LEKR1: variants seen among roughly 807,000 people sequenced by gnomAD.
LEKR1 encodes the protein protein LEKR1.
In LEKR1, 59 loss-of-function variants were observed where a neutral mutation model predicts 72.4. The ratio of observed to expected loss-of-function variants is 0.82; its 90% CI spans 0.66 to 1.01. The LOEUF (loss-of-function observed/expected upper bound fraction) is 1.01. Among genes scored for constraint, LEKR1 ranks in the 50% least tolerant of loss-of-function variants. The pLI is 0.00. For synonymous variants in LEKR1, 257 were observed against 263.2 expected (o/e 0.98, Z 0.23); for missense variants, 728 against 759.2 (o/e 0.96, Z 0.48).
At chr3:156,915,828 C>G (rs553418543) in intron 3 of LEKR1, among the ~76,000 whole-genome samples, 1 of 152,142 alleles carries the variant, frequency 6.6e-6, no homozygotes, top group Non-Finnish European at 1.5e-5. Flanking sequence ...GTCAAGAAAT[C>G]TTTACCTATT....
At chr3:156,957,508 T>G (rs1727754556) in intron 6 of LEKR1, among the ~76,000 whole-genome samples, 2 of 151,976 alleles carry the variant, frequency 1.3e-5, no homozygotes, top group African/African-American at 4.8e-5. Context: ...CTTTCAAGAT[T>G]TAGCTCACAT....
chr3:156,829,559 A>C (rs1576619814), intron 2 of LEKR1, among the ~76,000 whole-genome samples, 182 bp downstream of exon 2: 1 of 152,210 alleles, frequency 6.6e-6, no homozygotes, highest in East Asian at 1.9e-4. Flanking sequence ...AGTATGAAGA[A>C]TTTTGCTGCT....
intron 3 of LEKR1, among the ~76,000 whole-genome samples, chr3:156,877,892 C>T (rs1718800889): frequency 6.6e-6 from 1 of 152,144 alleles, no homozygotes; most frequent in African/African-American, 2.4e-5. Flanking sequence ...AAGTGATTCT[C>T]CTGCCTCAGC....
intron 3 of LEKR1, among the ~76,000 whole-genome samples, chr3:156,890,580 G>T (rs1483165769): frequency 1.3e-5 from 2 of 152,112 alleles, no homozygotes; most frequent in African/African-American, 4.8e-5. Context: ...TTGGTAAACA[G>T]AAATTATATT....
At chr3:156,861,425 A>G (rs991566358) in intron 3 of LEKR1, among the ~76,000 whole-genome samples, 1 of 152,122 alleles carries the variant, frequency 6.6e-6, no homozygotes, top group African/African-American at 2.4e-5. Flanking sequence ...CTGATGCAGA[A>G]CTGTAGTTCT....
chr3:156,894,215 G>C (rs562157185), intron 3 of LEKR1, among the ~76,000 whole-genome samples: 1 of 152,072 alleles, frequency 6.6e-6, no homozygotes, highest in South Asian at 2.1e-4. Flanking sequence ...TTTTAGATGG[G>C]GTACCTGTTA....
chr3:156,942,587 A>C lies in LEKR1; in HGVS notation c.618A>C (p.Glu206Asp). 1 of 1,268,596 alleles carries C rather than the reference A, an allele frequency of 7.9e-7. No individual in the cohort carries two copies. The allele number at this position is 1,268,596 out of a possible 1,614,324, so 78.6% of individuals were successfully genotyped here. Residue 206 changes from glutamate (E) to aspartate (D), a missense_variant, in exon 6 of 13, where the codon GAA becomes GAC. Physicochemically the swap from Glu to Asp is conservative, Grantham distance 45 (BLOSUM62 2). Transcript: ENST00000356539. The stretch of plus-strand genomic sequence containing the variant: ...CCCAGAGAAATAAAGTATGCCTTGA[A>C]AAGGAAATGAAAAATCTGAAATTGT... Reference protein sequence around the residue: ...TVSQRNKVCLEKEMKNLKLLS... With the variant: ...TVSQRNKVCLDKEMKNLKLLS...
intron 10 of LEKR1, among the ~76,000 whole-genome samples, chr3:157,020,823 T>C (rs1733776704): frequency 6.6e-6 from 1 of 152,074 alleles, no homozygotes; most frequent in Non-Finnish European, 1.5e-5. Context: ...CAAATGGTAT[T>C]TCTAGTTCTA....
At chr3:156,990,469 A>G (rs985060384) in intron 7 of LEKR1, among the ~76,000 whole-genome samples, 3 of 152,202 alleles carry the variant, frequency 2.0e-5, no homozygotes, top group African/African-American at 7.2e-5. Flanking sequence ...ATCCTTAGAT[A>G]TAGCATCCAT....
At chr3:156,964,275 C>T (rs1019153099) in intron 6 of LEKR1, among the ~76,000 whole-genome samples, 2 of 152,154 alleles carry the variant, frequency 1.3e-5, no homozygotes, top group South Asian at 2.1e-4. Flanking sequence ...CTTCCCCCCT[C>T]CTATTTTCTT....
rs572906119 is a variant in LEKR1 at position 156,971,103 on chromosome 3, C to T, written c.746-8091C>T. On this transcript the variant is annotated intron_variant, in intron 6 of 12. Transcript: ENST00000356539. ...GACTTCAAACTATACTACAAGGCTA[C>T]AGTAAACAAAACAGCATGGTACTGG... 4.6e-5 allele frequency among the ~76,000 whole-genome samples: 7 copies of T among 152,226 alleles called. 1 individual carries two copies. In the South Asian group the frequency reaches 1.5e-3, roughly 32 times the overall value.
At chr3:156,898,673 A>C (rs921680834) in intron 3 of LEKR1, among the ~76,000 whole-genome samples, 9 of 152,150 alleles carry the variant, frequency 5.9e-5, no homozygotes, top group Non-Finnish European at 1.0e-4. Flanking sequence ...GGAAAAAAAA[A>C]CCCAAAACTA....
At chr3:156,990,174 A>G (rs998974641) in intron 7 of LEKR1, among the ~76,000 whole-genome samples, 12 of 152,190 alleles carry the variant, frequency 7.9e-5, no homozygotes, top group Non-Finnish European at 1.8e-4. Context: ...TTAAAAATAA[A>G]AAATTCTTCA....
intron 10 of LEKR1, among the ~76,000 whole-genome samples, chr3:157,018,414 C>T (rs1733550821): frequency 6.6e-6 from 1 of 152,106 alleles, no homozygotes; most frequent in Non-Finnish European, 1.5e-5. Flanking sequence ...CAAAATCGAC[C>T]ATATTTTGGC....
intron 2 of LEKR1, among the ~76,000 whole-genome samples, chr3:156,839,646 T>C (rs867563239): frequency 4.1e-4 from 63 of 152,144 alleles, no homozygotes; most frequent in African/African-American, 1.1e-3. Flanking sequence ...AACTTGGAGA[T>C]GATTTTTTTT....
intron 3 of LEKR1, among the ~76,000 whole-genome samples, chr3:156,919,148 A>G (rs116600608): frequency 1.1e-4 from 17 of 152,290 alleles, no homozygotes; most frequent in African/African-American, 3.4e-4. Flanking sequence ...CCTCCAAATC[A>G]CTTGACTTTC....
At position 157,011,585 on chromosome 3, in the gene LEKR1, C is replaced by T. The variant is rs770656662; in HGVS notation, c.1203+79C>T. 3.7e-5 allele frequency: 35 copies of T among 956,514 alleles called. No homozygotes were observed. The East Asian group carries it at 4.5e-4, about 12-fold the overall frequency. 59.3% of individuals were successfully genotyped at this position (956,514 alleles called of 1,614,324 possible). On this transcript the variant is annotated intron_variant, in intron 10 of 12. Transcript: ENST00000356539. The stretch of plus-strand genomic sequence containing the variant: ...CTGACCATTTGTCAGAAGACTCTTC[C>T]GGATAGATTTATTTGCTTCTATGCA...
chr3:157,010,068 C>G lies in LEKR1; in HGVS notation c.1110-1345C>G, dbSNP rs1043575455. Among the ~76,000 whole-genome samples the G allele has an allele frequency of 7.9e-5, 12 of 152,040 alleles. No homozygotes were observed. The East Asian group carries it at 2.1e-3, about 27-fold the overall frequency. On this transcript the variant is annotated intron_variant, in intron 9 of 12. Transcript: ENST00000356539. ...TGAGGGATCTGTAGTAGTATCATCC[C>G]TCTTATTTCTGATATTAGTAATTTC... is the stretch of plus-strand genomic sequence containing the variant.
chr3:156,995,854 T>C (rs867305484), intron 9 of LEKR1, among the ~76,000 whole-genome samples: 1 of 152,138 alleles, frequency 6.6e-6, no homozygotes, highest in Non-Finnish European at 1.5e-5. Context: ...ATAAATTTTT[T>C]AAAAATGTCC....
Sources: gnomAD v4.1 joint callset for allele counts (sites outside exome capture counted in the v4.1 genomes callset) on GRCh38, gnomAD v4.1.1 for gene constraint, MANE v1.5 for transcripts, NCBI Gene and HGNC (gene_info 2026-07-23, HGNC 2026-07-21) for gene names.